Variants in CCDC181 observed in about 807,000 individuals in gnomAD.
CCDC181 encodes the protein coiled-coil domain containing 181.
A neutral mutation model predicts 58.7 loss-of-function variants in CCDC181; 35 were observed. The ratio of observed to expected loss-of-function variants is 0.60; its 90% CI spans 0.46 to 0.79. The LOEUF (loss-of-function observed/expected upper bound fraction) is 0.79, where lower values mean the gene tolerates loss of function less well. Among genes scored for constraint, CCDC181 ranks in the 30% least tolerant of loss-of-function variants. The probability of loss-of-function intolerance (pLI) is 0.00; values close to 1 mark genes in which losing one functional copy is unlikely to be tolerated. For synonymous variants in CCDC181, 183 were observed against 197.5 expected (o/e 0.93, Z 0.62); for missense variants, 517 against 583.9 (o/e 0.89, Z 1.18).
upstream of CCDC181, among the ~76,000 whole-genome samples, chr1:169,429,205 G>T (rs1455888214): frequency 1.3e-5 from 2 of 152,202 alleles, no homozygotes; most frequent in Non-Finnish European, 2.9e-5. Context: ...CCACTCGTTG[G>T]TTGATGGGCA....
chr1:169,396,750 A>G (rs959910371), intron 5 of CCDC181, among the ~76,000 whole-genome samples: 2 of 152,156 alleles, frequency 1.3e-5, no homozygotes, highest in Non-Finnish European at 2.9e-5. Context: ...GGTTTGCCTT[A>G]AATTACCAAA....
intron 4 of CCDC181, among the ~76,000 whole-genome samples, chr1:169,408,637 C>T (rs1655802409): frequency 6.6e-6 from 1 of 152,164 alleles, no homozygotes; most frequent in Admixed American, 6.5e-5. Context: ...AGACACCTCA[C>T]ACAGGAGAGC....
chr1:169,433,926 A>G lies in CCDC181; in HGVS notation c.-23-8976T>C, dbSNP rs190789258. Among the ~76,000 whole-genome samples, 187 of 152,196 alleles carry G rather than the reference A, an allele frequency of 1.2e-3. 2 individuals carry two copies. Among genetic ancestry groups the G allele is most frequent in the Non-Finnish European group, 6.0e-4 (41 of 67,914 alleles). ...AAAGTAAACAAATTGGACTGCACAAATATTAAGTACTGTTGCATTTTAAAT... is the reference window on the plus strand; with the variant it reads ...AAAGTAAACAAATTGGACTGCACAAGTATTAAGTACTGTTGCATTTTAAAT... On this transcript the variant is annotated intron_variant, in intron 2 of 6. Coordinates refer to the CCDC181 transcript ENST00000545005.
At chr1:169,403,739 C>T (rs573900844) in intron 4 of CCDC181, among the ~76,000 whole-genome samples, 1 of 152,080 alleles carries the variant, frequency 6.6e-6, no homozygotes, top group Non-Finnish European at 1.5e-5. Context: ...CCTAACATCA[C>T]AATTAAAAGA....
intron 4 of CCDC181, among the ~76,000 whole-genome samples, chr1:169,405,734 G>A (rs186168559): frequency 1.3e-4 from 20 of 152,232 alleles, no homozygotes; most frequent in African/African-American, 4.8e-4. Context: ...TACCATTCAG[G>A]CCACAGGCAT....
chr1:169,418,927 G>A, intron 4 of CCDC181, 86 bp downstream of exon 4: 1 of 1,094,864 alleles, frequency 9.1e-7, no homozygotes, highest in Non-Finnish European at 1.4e-6. Flanking sequence ...TCCATAGGCT[G>A]TTAGTCTGAT....
intron 4 of CCDC181, among the ~76,000 whole-genome samples, chr1:169,408,039 T>C (rs578145822): frequency 6.6e-6 from 1 of 152,252 alleles, no homozygotes; most frequent in South Asian, 2.1e-4. Flanking sequence ...GCAGGAGTTT[T>C]TCATCATACT....
In CCDC181 at chr1:169,421,862, C is replaced by CATA. The variant is rs770411766; in HGVS notation, c.566_568dup (p.Leu189dup). On this transcript the variant is annotated inframe_insertion, in exon 3 of 6. Coordinates refer to ENST00000367806, the MANE Select transcript of CCDC181 (RefSeq NM_001300969.2). ...TTCTTGTCCAAAATCATTGGAAATACATAATTGTGACAGTTTCCCAAACAT... is the reference window on the plus strand; with the variant it reads ...TTCTTGTCCAAAATCATTGGAAATACATAATAATTGTGACAGTTTCCCAAACAT... 6.2e-7 allele frequency: 1 copy of CATA among 1,613,874 alleles called. No individual in the cohort carries two copies. Among genetic ancestry groups the CATA allele is most frequent in the East Asian group, 2.2e-5 (1 of 44,888 alleles).
upstream of CCDC181, among the ~76,000 whole-genome samples, chr1:169,428,915 A>T (rs1024591540): frequency 7.2e-5 from 11 of 152,058 alleles, no homozygotes; most frequent in African/African-American, 2.7e-4. Context: ...TGGGCCTCTT[A>T]ACCAATATGT....
At chr1:169,419,401 G>A (rs558240404) in intron 3 of CCDC181, among the ~76,000 whole-genome samples, 1 of 152,216 alleles carries the variant, frequency 6.6e-6, no homozygotes, top group Non-Finnish European at 1.5e-5. Context: ...CCAACATGGT[G>A]AAAACCCATC....
intron 2 of CCDC181, among the ~76,000 whole-genome samples, chr1:169,446,517 T>C (rs1237509761): frequency 6.6e-6 from 1 of 152,196 alleles, no homozygotes; most frequent in Non-Finnish European, 1.5e-5. Flanking sequence ...ATTACTGGCT[T>C]TGAATATTTC....
At chr1:169,414,029 AAT>A (rs1656107124) in intron 4 of CCDC181, among the ~76,000 whole-genome samples, 8 of 150,384 alleles carry the variant, frequency 5.3e-5, no homozygotes, top group Admixed American at 6.7e-5. Context: ...TAAAAAAAAT[AAT>A]TAAATACAAG....
chr1:169,418,715 G>GGT lies in CCDC181; in HGVS notation c.1215+296_1215+297dup, dbSNP rs1571488707. On this transcript the variant is annotated intron_variant, in intron 4 of 5. Coordinates refer to ENST00000367806, the MANE Select transcript of CCDC181 (RefSeq NM_001300969.2). ...ACCAGTCTCTAGGGTTTTGTGGGGG[G>GGT]GTGTGTGTGTATCTTTGCCCTGTTT... The GGT allele has an allele frequency of 1.6e-5, 6 of 383,850 alleles. No individual in the cohort carries two copies. In the East Asian group the frequency reaches 2.1e-4, roughly 13 times the overall value. The allele number at this position is 383,850 out of a possible 1,614,324, so 23.8% of individuals were successfully genotyped here. A position where few individuals can be genotyped will look rare whatever the true frequency, so the allele number is the denominator to read the frequency against.
upstream of CCDC181, among the ~76,000 whole-genome samples, chr1:169,432,277 C>A (rs1656942000): frequency 6.6e-6 from 1 of 152,016 alleles, no homozygotes; most frequent in Non-Finnish European, 1.5e-5. Flanking sequence ...AAAGATAAGA[C>A]AATTGAAATT....
intron 4 of CCDC181, among the ~76,000 whole-genome samples, chr1:169,398,431 T>A (rs1655169954): frequency 6.6e-6 from 1 of 152,188 alleles, no homozygotes; most frequent in Non-Finnish European, 1.5e-5. Context: ...ATTTTAAAGT[T>A]AAAATATTTT....
chr1:169,448,639 T>C (rs1185668568), intron 2 of CCDC181, among the ~76,000 whole-genome samples: 1 of 152,130 alleles, frequency 6.6e-6, no homozygotes, highest in Non-Finnish European at 1.5e-5. Context: ...TGCCCTGGTG[T>C]AGATTTTTCG....
chr1:169,444,900 A>G (rs182642782), intron 2 of CCDC181, among the ~76,000 whole-genome samples: 58 of 152,308 alleles, frequency 3.8e-4, no homozygotes, highest in African/African-American at 1.4e-3. Context: ...CAGCAACCAG[A>G]ATACTCTCAA....
chr1:169,450,596 A>G (rs918706087), intron 2 of CCDC181, among the ~76,000 whole-genome samples: 1 of 152,194 alleles, frequency 6.6e-6, no homozygotes, highest in African/African-American at 2.4e-5. Flanking sequence ...TGACTATTAT[A>G]AATATTATTG....
At chr1:169,401,239 A>G (rs1655329682) in intron 4 of CCDC181, among the ~76,000 whole-genome samples, 2 of 152,232 alleles carry the variant, frequency 1.3e-5, no homozygotes, top group African/African-American at 2.4e-5. Flanking sequence ...ACAGCTGAAC[A>G]AAAGGCAGCA....
Sources: gnomAD v4.1 joint callset for allele counts (sites outside exome capture counted in the v4.1 genomes callset) on GRCh38, gnomAD v4.1.1 for gene constraint, MANE v1.5 for transcripts, NCBI Gene and HGNC (gene_info 2026-07-23, HGNC 2026-07-21) for gene names.